Variants in GRIK2 observed in about 807,000 individuals in gnomAD.
GRIK2 encodes the protein glutamate receptor ionotropic, kainate 2.
In GRIK2, 32 loss-of-function variants were observed where a neutral mutation model predicts 100.3. The ratio of observed to expected loss-of-function variants is 0.32; its 90% CI spans 0.24 to 0.43. GRIK2 has a LOEUF of 0.43. Among genes scored for constraint, GRIK2 ranks in the 20% least tolerant of loss-of-function variants. The pLI is 1.00. For missense variants in GRIK2, 843 were observed against 1,114.9 expected (o/e 0.76, Z 3.47); for synonymous variants, 417 against 389.4 (o/e 1.07, Z -0.83).
intron 5 of GRIK2, among the ~76,000 whole-genome samples, chr6:101,681,016 A>G (rs997078001): frequency 1.3e-5 from 2 of 152,184 alleles, no homozygotes; most frequent in African/African-American, 4.8e-5. Context: ...ATTTTTCACA[A>G]ATATCTATTC....
At chr6:101,756,375 C>CTACATTTATAATCTACATTTATAAATGGT (rs755261408) in intron 7 of GRIK2, among the ~76,000 whole-genome samples, 29,126 of 127,538 alleles carry the variant, frequency 0.23, 5,253 homozygotes, top group East Asian at 0.68. Context: ...AGTTTCTTAT[C>CTACATTTATAATCTACATTTATAAATGGT]TACATTTATA....
chr6:101,493,396 A>G (rs1163197464), intron 2 of GRIK2, among the ~76,000 whole-genome samples: 1 of 152,124 alleles, frequency 6.6e-6, no homozygotes, highest in Non-Finnish European at 1.5e-5. Context: ...AAGAAGCAAA[A>G]TCTGACTGAC....
At chr6:102,028,438 A>C (rs1769815235) in intron 14 of GRIK2, among the ~76,000 whole-genome samples, 1 of 151,306 alleles carries the variant, frequency 6.6e-6, no homozygotes, top group African/African-American at 2.4e-5. Context: ...AACATTGCTA[A>C]ACATTGACAT....
intron 14 of GRIK2, among the ~76,000 whole-genome samples, chr6:101,999,122 C>G (rs1794801410): frequency 6.6e-6 from 1 of 152,036 alleles, no homozygotes; most frequent in Admixed American, 6.6e-5. Context: ...AACAATACTA[C>G]ACTGTCTTGT....
chr6:101,547,936 A>G (rs1427346270), intron 2 of GRIK2, among the ~76,000 whole-genome samples: 1 of 152,160 alleles, frequency 6.6e-6, no homozygotes, highest in African/African-American at 2.4e-5. Context: ...AGTCCCACCA[A>G]CAGTGTAAAA....
chr6:101,823,449 A>G (rs781331469), intron 10 of GRIK2, among the ~76,000 whole-genome samples: 2 of 120,470 alleles, frequency 1.7e-5, no homozygotes, highest in Non-Finnish European at 3.1e-5. Context: ...AGCTCTATTT[A>G]TGCCCTAATT....
At chr6:101,645,733 T>C (rs1332236227) in intron 4 of GRIK2, among the ~76,000 whole-genome samples, 1 of 151,912 alleles carries the variant, frequency 6.6e-6, no homozygotes, top group Non-Finnish European at 1.5e-5. Context: ...TGGGTTTTTA[T>C]TGCAGCATTA....
At chr6:101,561,492 A>G (rs1457167741) in intron 2 of GRIK2, among the ~76,000 whole-genome samples, 1 of 152,212 alleles carries the variant, frequency 6.6e-6, no homozygotes, top group Non-Finnish European at 1.5e-5. Flanking sequence ...ATAATTAACA[A>G]TAATTTATTA....
rs140409411 is a variant in GRIK2, at chr6:101,815,054, T to G, written c.1204-3316T>G. Among the ~76,000 whole-genome samples the G allele has an allele frequency of 2.5e-3, 382 of 152,292 alleles. 3 individuals are homozygous for G. The highest frequency in any genetic ancestry group is 8.8e-3 in the African/African-American group (365 of 41,560). ...GGAGAATTGTGACACAAAGAAATAA[T>G]GTACCCGAGTCACCTGATGTTAAGT... On this transcript the variant is annotated intron_variant, in intron 9 of 16. Coordinates refer to ENST00000369134, the MANE Select transcript of GRIK2 (RefSeq NM_021956.5).
chr6:101,782,857 CTTTT>C (rs1158965622), intron 7 of GRIK2, among the ~76,000 whole-genome samples: 2 of 130,814 alleles, frequency 1.5e-5, no homozygotes, highest in African/African-American at 2.9e-5. Context: ...ACTCAAATCT[CTTTT>C]TTTTTTTTTT....
intron 2 of GRIK2, among the ~76,000 whole-genome samples, chr6:101,596,184 C>T (rs2128308319): frequency 6.7e-6 from 1 of 149,178 alleles, no homozygotes; most frequent in African/African-American, 2.5e-5. Flanking sequence ...CTGACCCTTG[C>T]AGAATTGTTT....
At chr6:101,542,897 A>G (rs1183837888) in intron 2 of GRIK2, among the ~76,000 whole-genome samples, 1 of 152,130 alleles carries the variant, frequency 6.6e-6, no homozygotes, top group Non-Finnish European at 1.5e-5. Context: ...TAATGTGTTT[A>G]GATTTCAAGC....
chr6:101,396,482 C>T (rs1775014801), intron 1 of GRIK2, among the ~76,000 whole-genome samples: 1 of 151,960 alleles, frequency 6.6e-6, no homozygotes, highest in Admixed American at 6.6e-5. Flanking sequence ...TGAGGAATCT[C>T]ACAATTAATA....
intron 14 of GRIK2, among the ~76,000 whole-genome samples, chr6:101,960,637 C>T (rs1792239954): frequency 6.6e-6 from 1 of 151,946 alleles, no homozygotes; most frequent in Non-Finnish European, 1.5e-5. Flanking sequence ...AAATACAGTT[C>T]CTTTATGTGG....
intron 10 of GRIK2, among the ~76,000 whole-genome samples, chr6:101,837,653 G>A (rs866727594): frequency 2.0e-5 from 3 of 152,238 alleles, no homozygotes; most frequent in South Asian, 4.1e-4. Context: ...TAATCTCTGC[G>A]AATCTAGAGC....
chr6:101,766,141 A>C (rs576755506), intron 7 of GRIK2, among the ~76,000 whole-genome samples: 2 of 152,090 alleles, frequency 1.3e-5, no homozygotes, highest in Non-Finnish European at 2.9e-5. Context: ...AAAGTCCAGC[A>C]TCATTGGAAC....
At chr6:101,606,463 TTAGA>T (rs1370380662) in intron 2 of GRIK2, among the ~76,000 whole-genome samples, 8 of 151,904 alleles carry the variant, frequency 5.3e-5, no homozygotes, top group Non-Finnish European at 1.0e-4. Context: ...GGCGCTGGAG[TTAGA>T]TAGAACAGCA....
intron 2 of GRIK2, among the ~76,000 whole-genome samples, chr6:101,416,322 AGCTGGTCTGAG>A (rs1188981271): frequency 6.6e-6 from 1 of 152,282 alleles, no homozygotes; most frequent in East Asian, 1.9e-4. Flanking sequence ...GAGAAGAAGG[AGCTGGTCTGAG>A]GCTGGTCTGA....
At chr6:101,476,246 T>C (rs1027431045) in intron 2 of GRIK2, among the ~76,000 whole-genome samples, 3 of 152,128 alleles carry the variant, frequency 2.0e-5, no homozygotes, top group Non-Finnish European at 4.4e-5. Flanking sequence ...CAGTTATCTA[T>C]GTGGCTGTAT....
Sources: allele counts gnomAD v4.1 joint callset (sites outside exome capture counted in the v4.1 genomes callset), GRCh38; gene constraint gnomAD v4.1.1; transcripts MANE v1.5; gene names NCBI Gene and HGNC (gene_info 2026-07-23, HGNC 2026-07-21).